The following VPS13B variants were observed in gnomAD, a reference collection of about 807,000 sequenced individuals.
The protein encoded by VPS13B is intermembrane lipid transfer protein VPS13B.
Under a neutral mutation model 426.4 loss-of-function variants are expected in VPS13B, and 285 were observed. The ratio of observed to expected loss-of-function variants is 0.67; its 90% CI spans 0.61 to 0.74. The LOEUF (loss-of-function observed/expected upper bound fraction) is 0.74, where lower values mean the gene tolerates loss of function less well. Among genes scored for constraint, VPS13B ranks in the 30% least tolerant of loss-of-function variants. The pLI is 0.00. For missense variants in VPS13B, 4,537 were observed against 4,782.6 expected, an observed-to-expected ratio of 0.95 and a Z score of 1.51; for synonymous variants, 1,676 against 1,676.4, an observed-to-expected ratio of 1.00 and a Z score of 0.01.
At chr8:99,272,760 T>C (rs901074338) in intron 17 of VPS13B, among the ~76,000 whole-genome samples, 1 of 152,232 alleles carries the variant, frequency 6.6e-6, no homozygotes, top group Non-Finnish European at 1.5e-5. Flanking sequence ...TTGGTTAATT[T>C]ATAAAAATTT....
At chr8:99,780,180 A>C (rs1462231181) in intron 42 of VPS13B, among the ~76,000 whole-genome samples, 1 of 152,034 alleles carries the variant, frequency 6.6e-6, no homozygotes, top group Non-Finnish European at 1.5e-5. Context: ...TGTGATCTAA[A>C]TCTTTGCAGC....
chr8:99,738,745 A>G (rs1395152303), intron 39 of VPS13B, among the ~76,000 whole-genome samples: 1 of 152,234 alleles, frequency 6.6e-6, no homozygotes, highest in Non-Finnish European at 1.5e-5. Context: ...AAATACCATC[A>G]TATTAATACA....
rs1373762172 is a variant in VPS13B, at chr8:99,467,507, G to A, written c.3539G>A (p.Gly1180Asp). The part of the protein sequence containing the change: ...QVTLCLVEPM[G>D]CTSTLAVTSQ... Reference sequence around the variant, plus strand: ...ACACTTTGCCTAGTGGAACCTATGGGTTGCACCTCCACTCTAGCTGTCACG... The same window carrying A: ...ACACTTTGCCTAGTGGAACCTATGGATTGCACCTCCACTCTAGCTGTCACG... Residue 1180 changes from glycine to aspartate, a missense_variant, in exon 24 of 62, where the codon GGT becomes GAT. By Grantham distance (94) the Gly-to-Asp change is moderately conservative (BLOSUM62 -1). This residue lies in a region of VPS13B where 4,311 missense variants were observed against 4,474.3 expected (regional missense o/e 0.96). Transcript: ENST00000357162. 1.9e-6 allele frequency: 3 copies of A among 1,613,710 alleles called. No individual in the cohort carries two copies. Among genetic ancestry groups the A allele is most frequent in the East Asian group, 4.5e-5 (2 of 44,862 alleles).
At chr8:99,181,817 A>C (rs529142003) in intron 16 of VPS13B, among the ~76,000 whole-genome samples, 2 of 152,224 alleles carry the variant, frequency 1.3e-5, no homozygotes, top group East Asian at 3.9e-4. Context: ...TCTATTAATA[A>C]ATTTATAAAC....
intron 33 of VPS13B, among the ~76,000 whole-genome samples, chr8:99,599,977 G>C (rs752190902): frequency 9.2e-5 from 14 of 152,098 alleles, no homozygotes; most frequent in Non-Finnish European, 1.9e-4. Flanking sequence ...GTATACATTT[G>C]TCCATGCCCA....
At chr8:99,420,048 G>A (rs557686829) in intron 21 of VPS13B, among the ~76,000 whole-genome samples, 1 of 152,200 alleles carries the variant, frequency 6.6e-6, no homozygotes, top group South Asian at 2.1e-4. Context: ...CTTCTTTATT[G>A]ATTTAAGTAC....
At chr8:99,473,490 A>G (rs1019920254) in intron 24 of VPS13B, among the ~76,000 whole-genome samples, 1 of 152,250 alleles carries the variant, frequency 6.6e-6, no homozygotes, top group East Asian at 1.9e-4. Flanking sequence ...AAGTCTCAGC[A>G]AATTACAAGT....
At chr8:99,521,923 G>A (rs1288875039) in intron 30 of VPS13B, among the ~76,000 whole-genome samples, 1 of 152,018 alleles carries the variant, frequency 6.6e-6, no homozygotes, top group Non-Finnish European at 1.5e-5. Flanking sequence ...TTTGACTTAT[G>A]TATGTATGAT....
At chr8:99,779,362 G>C (rs972509064) in intron 42 of VPS13B, among the ~76,000 whole-genome samples, 1 of 152,122 alleles carries the variant, frequency 6.6e-6, no homozygotes, top group African/African-American at 2.4e-5. Context: ...CTTCAACTTA[G>C]CTATGTATCA....
At chr8:99,472,088 G>T (rs1819440604) in intron 24 of VPS13B, among the ~76,000 whole-genome samples, 1 of 152,088 alleles carries the variant, frequency 6.6e-6, no homozygotes, top group African/African-American at 2.4e-5. Context: ...TGTTACCATA[G>T]ATAGAGTGAC....
At chr8:99,516,282 A>G (rs552422363) in intron 29 of VPS13B, among the ~76,000 whole-genome samples, 1 of 152,296 alleles carries the variant, frequency 6.6e-6, no homozygotes, top group South Asian at 2.1e-4. Flanking sequence ...GATAATTCTT[A>G]CATTATATTT....
At chr8:99,811,727 C>T (rs78998000) in intron 44 of VPS13B, among the ~76,000 whole-genome samples, 268 of 152,160 alleles carry the variant, frequency 1.8e-3, no homozygotes, top group African/African-American at 5.3e-3. Context: ...TGGCTGTATC[C>T]GCTTGCTAGC....
chr8:99,576,954 G>T (rs1825806422), intron 32 of VPS13B, among the ~76,000 whole-genome samples: 1 of 152,084 alleles, frequency 6.6e-6, no homozygotes, highest in Non-Finnish European at 1.5e-5. Flanking sequence ...TATTCATACT[G>T]TGGCTCTTAG....
chr8:99,640,043 G>GAAGAAGATAA (rs372915682), intron 33 of VPS13B, among the ~76,000 whole-genome samples: 1 of 82,182 alleles, frequency 1.2e-5, no homozygotes, highest in African/African-American at 4.9e-5. Context: ...AGAAGAAGAA[G>GAAGAAGATAA]AAGAAGAGAA....
At chr8:99,516,784 T>C (rs1822095725) in intron 29 of VPS13B, among the ~76,000 whole-genome samples, 1 of 74,406 alleles carries the variant, frequency 1.3e-5, no homozygotes, top group Non-Finnish European at 2.4e-5. Context: ...GGAGACCGTG[T>C]CTCAAAAAAA....
chr8:99,438,663 GC>G (rs1315477164), intron 22 of VPS13B, among the ~76,000 whole-genome samples: 1 of 152,002 alleles, frequency 6.6e-6, no homozygotes, highest in African/African-American at 2.4e-5. Flanking sequence ...TTAATCTATG[GC>G]CCCAAATCAG....
At chr8:99,584,000 T>C (rs1826193667) in intron 33 of VPS13B, among the ~76,000 whole-genome samples, 1 of 152,120 alleles carries the variant, frequency 6.6e-6, no homozygotes, top group South Asian at 2.1e-4. Flanking sequence ...GTTGCTATGC[T>C]GAGTATTTTG....
chr8:99,179,002 A>G (rs1408542567), intron 16 of VPS13B, among the ~76,000 whole-genome samples: 1 of 151,922 alleles, frequency 6.6e-6, no homozygotes, highest in East Asian at 1.9e-4. Flanking sequence ...TCTAGATAAG[A>G]ACTTTGTATT....
intron 36 of VPS13B, among the ~76,000 whole-genome samples, chr8:99,706,604 T>A (rs558661798): frequency 7.2e-5 from 11 of 152,282 alleles, no homozygotes; most frequent in African/African-American, 2.6e-4. Context: ...GTTATTGGTT[T>A]TAGTTACCAA....
Sources: allele counts gnomAD v4.1 joint callset (sites outside exome capture counted in the v4.1 genomes callset), GRCh38; gene constraint gnomAD v4.1.1; regional missense constraint gnomAD v4.1.1; transcripts MANE v1.5; gene names NCBI Gene and HGNC (gene_info 2026-07-23, HGNC 2026-07-21).